MAPKAP1: variants seen among roughly 807,000 people sequenced by gnomAD.
MAPKAP1 encodes MAPK associated protein 1, also known as target of rapamycin complex 2 subunit MAPKAP1.
Under a neutral mutation model 65.7 loss-of-function variants are expected in MAPKAP1, and 20 were observed. That is an observed-to-expected ratio of 0.30 (90% CI 0.21 to 0.44). The LOEUF is 0.44. Among genes scored for constraint, MAPKAP1 ranks in the 20% least tolerant of loss-of-function variants. The probability of loss-of-function intolerance (pLI) is 1.00; values close to 1 mark genes in which losing one functional copy is unlikely to be tolerated. For synonymous variants in MAPKAP1, 222 were observed against 244.3 expected (o/e 0.91, Z 0.85); for missense variants, 423 against 648.0 (o/e 0.65, Z 3.77).
chr9:125,501,636 G>A (rs1367575791), intron 8 of MAPKAP1, among the ~76,000 whole-genome samples: 7 of 152,064 alleles, frequency 4.6e-5, no homozygotes, highest in African/African-American at 1.4e-4. Flanking sequence ...AAGTCATGTG[G>A]GTTTGGATTT....
chr9:125,590,669 C>A (rs150435985), intron 4 of MAPKAP1, among the ~76,000 whole-genome samples: 1 of 151,848 alleles, frequency 6.6e-6, no homozygotes, highest in Non-Finnish European at 1.5e-5. Context: ...AAAAGGGGGG[C>A]GGGGCATAGG....
At chr9:125,645,254 C>A (rs775430960) in intron 4 of MAPKAP1, among the ~76,000 whole-genome samples, 1 of 152,128 alleles carries the variant, frequency 6.6e-6, no homozygotes, top group East Asian at 1.9e-4. Flanking sequence ...CCAACCCCAG[C>A]CTCCTCACAA....
intron 4 of MAPKAP1, among the ~76,000 whole-genome samples, chr9:125,641,259 T>C (rs1833569689): frequency 6.6e-6 from 1 of 152,188 alleles, no homozygotes; most frequent in South Asian, 2.1e-4. Context: ...CCATTCAAAA[T>C]TTTCTGAATC....
intron 4 of MAPKAP1, among the ~76,000 whole-genome samples, chr9:125,624,070 G>A (rs1833006182): frequency 3.6e-5 from 1 of 27,546 alleles, no homozygotes; most frequent in African/African-American, 7.9e-5. Flanking sequence ...CGCCCCGTCT[G>A]GGAGGTGAGG....
intron 9 of MAPKAP1, among the ~76,000 whole-genome samples, chr9:125,473,418 G>GT: frequency 6.6e-6 from 1 of 152,288 alleles, no homozygotes; most frequent in South Asian, 2.1e-4. Context: ...GATACAGTGA[G>GT]TCAAACTTCA....
intron 1 of MAPKAP1, among the ~76,000 whole-genome samples, chr9:125,704,620 A>C (rs914083780): frequency 3.9e-5 from 6 of 152,160 alleles, no homozygotes; most frequent in African/African-American, 1.4e-4. Context: ...TAACTGGAAA[A>C]GTTATTAGCA....
chr9:125,701,621 G>A (rs1202829563), intron 1 of MAPKAP1, among the ~76,000 whole-genome samples: 2 of 152,290 alleles, frequency 1.3e-5, no homozygotes, highest in Middle Eastern at 3.4e-3. Flanking sequence ...TTCATCTCAA[G>A]AGGTGATGAT....
At chr9:125,560,757 C>T (rs1229825096) in intron 5 of MAPKAP1, among the ~76,000 whole-genome samples, 1 of 152,144 alleles carries the variant, frequency 6.6e-6, no homozygotes, top group Admixed American at 6.5e-5. Flanking sequence ...AAGCAAATGA[C>T]TGGATTAGTC....
intron 4 of MAPKAP1, among the ~76,000 whole-genome samples, chr9:125,637,401 TA>T (rs34622116): frequency 1.5e-4 from 22 of 148,874 alleles, no homozygotes; most frequent in South Asian, 2.1e-4. Flanking sequence ...CCCTGTTTTC[TA>T]AAAAAAAAAA....
chr9:125,665,683 T>A (rs537245766), intron 3 of MAPKAP1, among the ~76,000 whole-genome samples: 9 of 152,050 alleles, frequency 5.9e-5, no homozygotes, highest in African/African-American at 1.9e-4. Context: ...CCAACCCCCA[T>A]CTACTAAATC....
chr9:125,554,616 C>T (rs1054709558), intron 6 of MAPKAP1, among the ~76,000 whole-genome samples: 1 of 151,978 alleles, frequency 6.6e-6, no homozygotes, highest in South Asian at 2.1e-4. Context: ...CTGGGCAACA[C>T]AGTGAGACCT....
intron 6 of MAPKAP1, among the ~76,000 whole-genome samples, chr9:125,552,732 G>T (rs1048185417): frequency 6.6e-6 from 1 of 152,066 alleles, no homozygotes; most frequent in African/African-American, 2.4e-5. Flanking sequence ...TGAGGTTCAA[G>T]AGCCCCCAGG....
chr9:125,491,785 C>CAA (rs573099215), intron 8 of MAPKAP1, among the ~76,000 whole-genome samples: 3 of 147,324 alleles, frequency 2.0e-5, no homozygotes, highest in African/African-American at 5.0e-5. Flanking sequence ...CAAAAAAAAC[C>CAA]AAAAAAACAA....
rs1451383744 is a variant in MAPKAP1, at chr9:125,447,088, G to C, written c.1346-2490C>G. Reference sequence around the variant, plus strand: ...GAAAAAAACAAAAAAATCATACCAAGCCAAGTCTCCTGAAAGGCTGCATAT... The same window carrying C: ...GAAAAAAACAAAAAAATCATACCAACCCAAGTCTCCTGAAAGGCTGCATAT... On this transcript the variant is annotated intron_variant, in intron 10 of 11. Coordinates refer to ENST00000265960, the MANE Select transcript of MAPKAP1 (RefSeq NM_001006617.3). This position sits in a 1 kb window ranked among gnomAD's most constrained non-coding sequence, Gnocchi z 4.5. 6.6e-6 allele frequency among the ~76,000 whole-genome samples: 1 copy of C among 152,102 alleles called. No homozygotes were observed. Among genetic ancestry groups the C allele is most frequent in the Non-Finnish European group, 1.5e-5 (1 of 68,018 alleles).
chr9:125,544,221 G>T (rs914275669), intron 6 of MAPKAP1, among the ~76,000 whole-genome samples: 17 of 151,916 alleles, frequency 1.1e-4, no homozygotes, highest in African/African-American at 4.1e-4. Context: ...TCTTGGCCAG[G>T]CTGGTCTTGA....
intron 1 of MAPKAP1, among the ~76,000 whole-genome samples, chr9:125,703,221 C>T (rs975964060): frequency 6.6e-6 from 1 of 152,146 alleles, no homozygotes; most frequent in Admixed American, 6.5e-5. Flanking sequence ...TAGTACATAA[C>T]AGGCATCGGA....
chr9:125,685,963 G>A (rs570213863), intron 1 of MAPKAP1, among the ~76,000 whole-genome samples: 2 of 152,314 alleles, frequency 1.3e-5, no homozygotes, highest in South Asian at 2.1e-4. Flanking sequence ...GCTCAAACAA[G>A]TGGAAGAATT....
At chr9:125,661,604 T>C (rs1305979366) in intron 3 of MAPKAP1, among the ~76,000 whole-genome samples, 1 of 152,158 alleles carries the variant, frequency 6.6e-6, no homozygotes, top group African/African-American at 2.4e-5. Context: ...AAAAAGGGGA[T>C]ATAAATATAA....
intron 5 of MAPKAP1, among the ~76,000 whole-genome samples, chr9:125,575,658 C>T (rs1251710388): frequency 6.6e-6 from 1 of 152,218 alleles, no homozygotes; most frequent in African/African-American, 2.4e-5. Context: ...CGACATACCA[C>T]TACACACCTA....
Sources: gnomAD v4.1 joint callset for allele counts (sites outside exome capture counted in the v4.1 genomes callset) on GRCh38, gnomAD v4.1.1 for gene constraint, Gnocchi (gnomAD v3.1) non-coding constraint, MANE v1.5 for transcripts, NCBI Gene and HGNC (gene_info 2026-07-23, HGNC 2026-07-21) for gene names.